Variants in NFASC observed in about 807,000 individuals in gnomAD.
NFASC encodes neurofascin.
In NFASC, 43 loss-of-function variants were observed where a neutral mutation model predicts 147.5. The ratio of observed to expected loss-of-function variants is 0.29; its 90% confidence interval spans 0.23 to 0.38. NFASC has a LOEUF of 0.38. NFASC is among the 10% of genes least tolerant of loss of function. The probability of loss-of-function intolerance (pLI) is 1.00; values close to 1 mark genes in which losing one functional copy is unlikely to be tolerated. For synonymous variants in NFASC, 622 were observed against 665.5 expected (o/e 0.93, Z 1.01); for missense variants, 1,320 against 1,689.0 (o/e 0.78, Z 3.83).
In NFASC at chr1:205,015,755, A is replaced by G. The variant is rs186467254; in HGVS notation, c.3492-553A>G. Among the ~76,000 whole-genome samples the G allele has an allele frequency of 2.2e-3, 342 of 152,218 alleles. 6 individuals are homozygous for G. The highest frequency in any genetic ancestry group is 7.8e-3 in the African/African-American group (326 of 41,552). ...TATAGATCAACCAGATAGCTCAGCGAAAGACACCAAGACAGACAAGCAGAG... is the reference window on the plus strand; with the variant it reads ...TATAGATCAACCAGATAGCTCAGCGGAAGACACCAAGACAGACAAGCAGAG... On this transcript the variant is annotated intron_variant, in intron 29 of 29. Transcript: ENST00000339876. This position sits in a 1 kb window ranked among gnomAD's most constrained non-coding sequence, Gnocchi z 4.0.
At chr1:204,963,235 A>G (rs555975686) in intron 8 of NFASC, among the ~76,000 whole-genome samples, 18 of 152,342 alleles carry the variant, frequency 1.2e-4, no homozygotes, top group African/African-American at 4.3e-4. Context: ...ATCCTGCCAA[A>G]GAGATTCACT....
chr1:204,895,324 C>T (rs1480207413), intron 1 of NFASC, among the ~76,000 whole-genome samples: 2 of 152,178 alleles, frequency 1.3e-5, no homozygotes, highest in African/African-American at 4.8e-5. Context: ...CCAACAGCCC[C>T]GTCCCATTTC....
chr1:204,861,650 C>T lies in NFASC; in HGVS notation c.-200+32868C>T, dbSNP rs373332465. Among the ~76,000 whole-genome samples the T allele has an allele frequency of 4.4e-3, 668 of 152,246 alleles. 4 individuals are homozygous for T. The highest frequency in any genetic ancestry group is 0.012 in the African/African-American group (516 of 41,556). On this transcript the variant is annotated intron_variant, in intron 1 of 29. Transcript: ENST00000339876. ...GACTACAGGCTCCTGCCACCACGCCCGGCTAATTTTTTGTATTTTTAGTAG... is the reference window on the plus strand; with the variant it reads ...GACTACAGGCTCCTGCCACCACGCCTGGCTAATTTTTTGTATTTTTAGTAG...
At chr1:204,941,880 A>G (rs2093383470) in intron 2 of NFASC, among the ~76,000 whole-genome samples, 1 of 152,122 alleles carries the variant, frequency 6.6e-6, no homozygotes, top group South Asian at 2.1e-4. Flanking sequence ...CCTTCACAGT[A>G]TGCCACCCAG....
intron 2 of NFASC, 51 bp from the exon 3 acceptor site, chr1:204,944,175 C>G: frequency 6.6e-7 from 1 of 1,511,058 alleles, no homozygotes; most frequent in South Asian, 1.2e-5. Context: ...ATTGCTAGAG[C>G]AAACCACAAG....
chr1:204,971,617 C>T (rs12079209), intron 11 of NFASC, among the ~76,000 whole-genome samples: 7,424 of 152,196 alleles, frequency 0.049, 483 homozygotes, highest in African/African-American at 0.15. Flanking sequence ...CTAGATGCTG[C>T]ACTCCATTGT....
intron 27 of NFASC, among the ~76,000 whole-genome samples, chr1:205,008,235 C>G (rs1238791732): frequency 1.3e-5 from 2 of 152,172 alleles, no homozygotes; most frequent in Non-Finnish European, 2.9e-5. Context: ...GCTGTAAAAA[C>G]AGTTTCTGCC....
intron 2 of NFASC, among the ~76,000 whole-genome samples, chr1:204,931,518 C>T (rs1422482143): frequency 1.3e-5 from 2 of 152,154 alleles, no homozygotes; most frequent in Non-Finnish European, 2.9e-5. Context: ...GTATTTCTCC[C>T]TTGGTTCTTG....
intron 23 of NFASC, 37 bp from the exon 24 acceptor site, chr1:204,991,255 C>T (rs780370376): frequency 2.5e-5 from 41 of 1,610,004 alleles, no homozygotes; most frequent in Non-Finnish European, 3.2e-5. Flanking sequence ...CATCCTTTCT[C>T]CCTCTGTCTG....
intron 8 of NFASC, among the ~76,000 whole-genome samples, chr1:204,967,111 C>T (rs1287802130): frequency 1.3e-5 from 2 of 152,212 alleles, no homozygotes; most frequent in Non-Finnish European, 2.9e-5. Context: ...CCTGGCAGCT[C>T]TGCCTCCCCT....
intron 1 of NFASC, among the ~76,000 whole-genome samples, chr1:204,903,787 A>C (rs1409740345): frequency 6.6e-6 from 1 of 152,246 alleles, no homozygotes; most frequent in African/African-American, 2.4e-5. Flanking sequence ...AAGTATAGCC[A>C]GTATGGTTTT....
rs181782439 is a variant in NFASC at position 204,925,421 on chromosome 1, C to T, written c.-91+4681C>T. 3.9e-5 allele frequency among the ~76,000 whole-genome samples: 6 copies of T among 152,292 alleles called. No homozygotes were observed. In the East Asian group the frequency reaches 1.2e-3, roughly 29 times the overall value. On this transcript the variant is annotated intron_variant, in intron 2 of 29. Transcript: ENST00000339876. ...TGTGCCAGCTGGATTAAACATGCTT[C>T]CTTGTGAGACTAAATCTCTGCATCT...
chr1:204,886,161 C>T (rs1352011319), intron 1 of NFASC, among the ~76,000 whole-genome samples: 1 of 152,160 alleles, frequency 6.6e-6, no homozygotes, highest in Non-Finnish European at 1.5e-5. Flanking sequence ...AAGCTGATTT[C>T]GTTCAGCTTC....
intron 1 of NFASC, among the ~76,000 whole-genome samples, chr1:204,908,221 A>G (rs955682870): frequency 6.6e-5 from 10 of 152,182 alleles, no homozygotes; most frequent in South Asian, 2.1e-4. Flanking sequence ...GGTTCAGGCA[A>G]TCTGCCCACC....
intron 1 of NFASC, among the ~76,000 whole-genome samples, chr1:204,901,772 A>G (rs925275752): frequency 2.0e-5 from 3 of 152,136 alleles, no homozygotes; most frequent in Admixed American, 6.5e-5. Context: ...AGCCAGTGAA[A>G]AAGGAAAAGT....
Position 205,019,711 on chromosome 1 carries a change from G to T in NFASC, c.*3172G>T, listed in dbSNP as rs1458534954. ...AGAGAGGGATTCTGAGGGAGAGCTT[G>T]GTCCATCTGGTCACCAAGGCTGGGC... On this transcript the variant is annotated 3_prime_UTR_variant, in exon 30 of 30. Coordinates refer to ENST00000339876, the MANE Select transcript of NFASC (RefSeq NM_001005388.3). 6.6e-6 allele frequency: 1 copy of T among 152,240 alleles called. No homozygotes were observed. Among genetic ancestry groups the T allele is most frequent in the African/African-American group, 2.4e-5 (1 of 41,444 alleles). The allele number at this position is 152,240 out of a possible 1,614,324, so 9.4% of individuals were successfully genotyped here. A position where few individuals can be genotyped will look rare whatever the true frequency, so the allele number is the denominator to read the frequency against.
intron 27 of NFASC, among the ~76,000 whole-genome samples, chr1:205,004,067 CTCTG>C (rs1386119884): frequency 6.6e-6 from 1 of 152,260 alleles, no homozygotes; most frequent in African/African-American, 2.4e-5. Context: ...AGTGGCTGGA[CTCTG>C]TCTAGCTCAG....
intron 17 of NFASC, among the ~76,000 whole-genome samples, chr1:204,978,274 T>C (rs1251182128): frequency 3.3e-5 from 5 of 152,200 alleles, no homozygotes; most frequent in African/African-American, 1.2e-4. Context: ...CAGTAGCCGA[T>C]GTCTTTATCC....
At chr1:204,953,722 G>A (rs574362820) in intron 5 of NFASC, among the ~76,000 whole-genome samples, 2 of 152,354 alleles carry the variant, frequency 1.3e-5, no homozygotes, top group South Asian at 4.1e-4. Context: ...TAAGGTGGCA[G>A]GAGGAGCAGA....
Sources: allele counts gnomAD v4.1 joint callset (sites outside exome capture counted in the v4.1 genomes callset), GRCh38; gene constraint gnomAD v4.1.1; non-coding constraint Gnocchi (gnomAD v3.1); transcripts MANE v1.5; gene names NCBI Gene and HGNC (gene_info 2026-07-23, HGNC 2026-07-21).